Variants in ANK2 observed in about 807,000 individuals in gnomAD.
ANK2 encodes ankyrin-2.
A neutral mutation model predicts 360.5 loss-of-function variants in ANK2; 83 were observed. That is an observed-to-expected ratio of 0.23 (90% CI 0.19 to 0.28). ANK2 has a LOEUF of 0.28. Among genes scored for constraint, ANK2 ranks in the 10% least tolerant of loss-of-function variants. The pLI is 1.00. For synonymous variants in ANK2, 1,740 were observed against 1,759.5 expected, an observed-to-expected ratio of 0.99 and a Z score of 0.28; for missense variants, 4,201 against 4,795.7, an observed-to-expected ratio of 0.88 and a Z score of 3.66.
At chr4:112,978,425 A>C (rs562706093) in intron 2 of ANK2, among the ~76,000 whole-genome samples, 1 of 152,242 alleles carries the variant, frequency 6.6e-6, no homozygotes, top group South Asian at 2.1e-4. Flanking sequence ...CACAATCTAG[A>C]ATTCTTTCAT....
At chr4:113,133,762 T>C (rs1421818382) in intron 1 of ANK2, among the ~76,000 whole-genome samples, 1 of 152,096 alleles carries the variant, frequency 6.6e-6, no homozygotes, top group Non-Finnish European at 1.5e-5. Flanking sequence ...AGCAACACCA[T>C]GAGGTAGAAA....
chr4:112,810,141 ATATATATATATATATATATT>A, the ANK2 span, among the ~76,000 whole-genome samples: 1 of 26,056 alleles, frequency 3.8e-5, no homozygotes, highest in Non-Finnish European at 6.1e-5. Context: ...ATATATATAT[ATATATATATATATATATATT>A]TTTTTTTTTT....
At chr4:112,949,347 G>A (rs1444846787) in intron 2 of ANK2, among the ~76,000 whole-genome samples, 1 of 152,064 alleles carries the variant, frequency 6.6e-6, no homozygotes, top group African/African-American at 2.4e-5. Context: ...GTCCTCTTAA[G>A]GAGTCTATAA....
At chr4:113,206,250 T>G (rs1376295134) in intron 4 of ANK2, among the ~76,000 whole-genome samples, 1 of 152,124 alleles carries the variant, frequency 6.6e-6, no homozygotes, top group Non-Finnish European at 1.5e-5. Context: ...TCTCTCCCCC[T>G]GCCCCCTGAC....
chr4:113,082,271 G>C (rs1225436057), intron 1 of ANK2, among the ~76,000 whole-genome samples: 3 of 152,040 alleles, frequency 2.0e-5, no homozygotes, highest in African/African-American at 7.2e-5. Context: ...GGCTTCATTT[G>C]GTATAAAAAC....
chr4:112,726,053 G>A, the ANK2 span, among the ~76,000 whole-genome samples: 2 of 152,144 alleles, frequency 1.3e-5, no homozygotes, highest in African/African-American at 4.8e-5. Flanking sequence ...TCCCTGATAA[G>A]TGACAGTCAA....
rs375305570 is a variant in ANK2 at position 113,014,900 on chromosome 4, C to A, written c.21+110386C>A. 1.5e-4 allele frequency among the ~76,000 whole-genome samples: 19 copies of A among 127,778 alleles called. No individual in the cohort carries two copies. In the East Asian group the frequency reaches 4.8e-3, roughly 32 times the overall value. 83.8% of individuals were successfully genotyped at this position (127,778 alleles called of 152,430 possible). A position where few individuals can be genotyped will look rare whatever the true frequency, so the allele number is the denominator to read the frequency against. On this transcript the variant is annotated intron_variant, in intron 2 of 30. Transcript: ENST00000503271. ...TTGAGACGGAGTCTCGCTCTGTCAC[C>A]CAGGCTGGAGTGCAGTGGCGCGATC...
chr4:112,959,074 T>C (rs2033193985), intron 2 of ANK2, among the ~76,000 whole-genome samples: 1 of 152,152 alleles, frequency 6.6e-6, no homozygotes, highest in Non-Finnish European at 1.5e-5. Flanking sequence ...GGTCTTGAAC[T>C]CCTGACCTCA....
intron 1 of ANK2, among the ~76,000 whole-genome samples, chr4:113,056,499 T>C (rs1580266208): frequency 6.6e-6 from 1 of 152,328 alleles, no homozygotes; most frequent in East Asian, 1.9e-4. Flanking sequence ...TCTGTTCTAA[T>C]TCCTGTTGGA....
intron 1 of ANK2, among the ~76,000 whole-genome samples, chr4:112,830,671 C>T (rs112663573): frequency 3.2e-4 from 48 of 152,088 alleles, no homozygotes; most frequent in African/African-American, 9.9e-4. Context: ...TGCTCGCTCT[C>T]GGCACCTCCT....
intron 28 of ANK2, among the ~76,000 whole-genome samples, chr4:113,332,445 G>A (rs969571308): frequency 2.6e-5 from 4 of 152,178 alleles, no homozygotes; most frequent in Admixed American, 2.0e-4. Flanking sequence ...AAAAATAATA[G>A]GGCAGTGCAT....
intron 2 of ANK2, among the ~76,000 whole-genome samples, chr4:113,020,291 A>G (rs566123812): frequency 7.2e-5 from 11 of 152,084 alleles, no homozygotes; most frequent in Non-Finnish European, 1.5e-4. Flanking sequence ...GTCTCAAGCC[A>G]TTTTTCTACC....
chr4:113,128,342 A>G (rs999807011), intron 1 of ANK2, among the ~76,000 whole-genome samples: 7 of 152,232 alleles, frequency 4.6e-5, no homozygotes, highest in African/African-American at 1.7e-4. Context: ...GATTAAAATG[A>G]AATGATGCTT....
chr4:112,936,890 G>T (rs1438659940), intron 2 of ANK2, among the ~76,000 whole-genome samples: 2 of 152,142 alleles, frequency 1.3e-5, no homozygotes, highest in Admixed American at 1.3e-4. Context: ...CGGGGCTCAA[G>T]TGATTCTCCA....
At chr4:113,004,385 TG>T (rs1705661666) in intron 2 of ANK2, among the ~76,000 whole-genome samples, 1 of 152,284 alleles carries the variant, frequency 6.6e-6, no homozygotes, top group Middle Eastern at 3.4e-3. Context: ...AAATTTTTTT[TG>T]TTTTTAATTT....
rs2092355521 is a variant in ANK2, at chr4:112,925,107, GGATTACAGGCGT to G, written c.21+20596_21+20607del. Among the ~76,000 whole-genome samples, 3 of 151,792 alleles carry G rather than the reference GGATTACAGGCGT, an allele frequency of 2.0e-5. No individual in the cohort carries two copies. The South Asian group carries it at 6.2e-4, about 32-fold the overall frequency. The stretch of plus-strand genomic sequence containing the variant: ...TCCGCCTCGGCCTTCCAAAGTGCTG[GGATTACAGGCGT>G]GAGCCACCGCACCTGGCCATTTATC... On this transcript the variant is annotated intron_variant, in intron 2 of 30. Transcript: ENST00000503271.
chr4:113,364,674 G>A (rs367559186), intron 40 of ANK2, among the ~76,000 whole-genome samples: 2 of 152,132 alleles, frequency 1.3e-5, no homozygotes, highest in African/African-American at 2.4e-5. Context: ...AATAAAAACA[G>A]AAGGGTGCCC....
At chr4:113,021,539 A>ACACACCCACAC (rs34948422) in intron 2 of ANK2, among the ~76,000 whole-genome samples, 1 of 108,676 alleles carries the variant, frequency 9.2e-6, no homozygotes, top group African/African-American at 3.7e-5. Context: ...CCCACACACA[A>ACACACCCACAC]ACATATATAT....
chr4:112,997,964 A>G (rs2049228223), intron 2 of ANK2, among the ~76,000 whole-genome samples: 1 of 150,326 alleles, frequency 6.7e-6, no homozygotes, highest in Non-Finnish European at 1.5e-5. Flanking sequence ...TCATTTGCTG[A>G]CTGTTTTGTC....
Sources: gnomAD v4.1 joint callset for allele counts (sites outside exome capture counted in the v4.1 genomes callset) on GRCh38, gnomAD v4.1.1 for gene constraint, MANE v1.5 for transcripts, NCBI Gene and HGNC (gene_info 2026-07-23, HGNC 2026-07-21) for gene names.